The following RGS14 variants were observed in gnomAD, a reference collection of about 807,000 sequenced individuals.
RGS14 encodes regulator of G protein signaling 14, also known as regulator of G-protein signaling 14.
RGS14 carries 33 observed loss-of-function variants against 63.8 expected under a neutral mutation model. The ratio of observed to expected loss-of-function variants is 0.52; its 90% CI spans 0.39 to 0.69. The LOEUF (loss-of-function observed/expected upper bound fraction) is 0.69, where lower values mean the gene tolerates loss of function less well. RGS14 is among the 30% of genes least tolerant of loss of function. RGS14 has a pLI of 0.00. For missense variants in RGS14, 739 were observed against 742.9 expected, an observed-to-expected ratio of 0.99 and a Z score of 0.06; for synonymous variants, 296 against 320.9, an observed-to-expected ratio of 0.92 and a Z score of 0.83.
At chr5:177,368,386 C>A in intron 8 of RGS14, 120 bp downstream of exon 8, 2 of 1,055,890 alleles carry the variant, frequency 1.9e-6, no homozygotes, top group Non-Finnish European at 1.3e-6. Flanking sequence ...GCTTGCTCTG[C>A]GTAGCCAACC....
rs148612238 is a variant in RGS14 at position 177,362,475 on chromosome 5, G to A, written c.46-3488G>A. On this transcript the variant is annotated intron_variant, in intron 1 of 14. Transcript: ENST00000408923. ...CCAGACTGGCAGGGAGAGAGGCCGG[G>A]ACATGGGTGGATAAGCACGTGGTGG... is the stretch of plus-strand genomic sequence containing the variant. Among the ~76,000 whole-genome samples, 349 of 152,308 alleles carry A rather than the reference G, an allele frequency of 2.3e-3. 9 individuals are homozygous for A. The East Asian group carries it at 0.056, about 24-fold the overall frequency.
intron 1 of RGS14, among the ~76,000 whole-genome samples, chr5:177,362,381 A>G (rs1340562966): frequency 6.6e-6 from 1 of 152,096 alleles, no homozygotes; most frequent in Non-Finnish European, 1.5e-5. Flanking sequence ...CGAGGCAAAG[A>G]CGGTGCTTCT....
rs369415354 is a variant in RGS14 at position 177,371,403 on chromosome 5, G to A, written c.1383+7G>A. On this transcript the variant is annotated splice_region_variant and intron_variant, in intron 13 of 14. Transcript: ENST00000408923. This position sits in a 1 kb window ranked among gnomAD's most constrained non-coding sequence, Gnocchi z 6.1. The stretch of plus-strand genomic sequence containing the variant: ...ATCTCCCTGCCGCAGCCAGGTGAGC[G>A]AAAGGCGAGTGGCCTCTTCCACCCT... 13 of 1,614,100 alleles carry A rather than the reference G, an allele frequency of 8.1e-6. No homozygotes were observed. The highest frequency in any genetic ancestry group is 1.6e-4 in the Middle Eastern group (1 of 6,062).
At position 177,371,287 on chromosome 5, in the gene RGS14, T is replaced by C; in HGVS notation, c.1336+41T>C. On this transcript the variant is annotated intron_variant, in intron 12 of 14. Transcript: ENST00000408923. This position sits in a 1 kb window ranked among gnomAD's most constrained non-coding sequence, Gnocchi z 6.1. ...CTCGGGGCTTGATCTGGAACAGCTG[T>C]GGCCCAGGAGGAAGGGGGTCCAGGT... 1.2e-6 allele frequency: 2 copies of C among 1,613,720 alleles called. No individual in the cohort carries two copies. The highest frequency in any genetic ancestry group is 1.7e-6 in the Non-Finnish European group (2 of 1,179,826).
chr5:177,357,983 G>A lies in RGS14; in HGVS notation c.-42G>A. 1 of 1,331,216 alleles carries A rather than the reference G, an allele frequency of 7.5e-7. No homozygotes were observed. The highest frequency in any genetic ancestry group is 9.7e-7 in the Non-Finnish European group (1 of 1,032,956). The allele number at this position is 1,331,216 out of a possible 1,614,324, so 82.5% of individuals were successfully genotyped here. On this transcript the variant is annotated 5_prime_UTR_variant, in exon 1 of 15. An upstream start codon of the reference 5' UTR is lost. Transcript: ENST00000408923. ...GGCCGGCGCTGCCCACAGTCCCCAT[G>A]GTGGGCAGCCCCCGCGGCGGGGACC...
rs1761896445 is a variant in RGS14 at position 177,359,086 on chromosome 5, G to T, written c.45+1017G>T. 6.6e-6 allele frequency among the ~76,000 whole-genome samples: 1 copy of T among 152,146 alleles called. No homozygotes were observed. The highest frequency in any genetic ancestry group is 2.4e-5 in the African/African-American group (1 of 41,416). On this transcript the variant is annotated intron_variant, in intron 1 of 14. Coordinates refer to ENST00000408923, the MANE Select transcript of RGS14 (RefSeq NM_006480.5). This position sits in a 1 kb window ranked among gnomAD's most constrained non-coding sequence, Gnocchi z 4.4. Reference sequence around the variant, plus strand: ...GACCCATTGTGGGGGCTGCATAATTGTCAGCCCAGTGCCCCCTACATTTTC... The same window carrying T: ...GACCCATTGTGGGGGCTGCATAATTTTCAGCCCAGTGCCCCCTACATTTTC...
rs1301087141 is a variant in RGS14 at position 177,368,218 on chromosome 5, C to A, written c.801C>A (p.Ser267=). ...RRESQGSLNS[S]ASLDLGFLAF... is the part of the protein sequence containing the mutation. The stretch of plus-strand genomic sequence containing the variant: ...AGTCTCAGGGCTCCCTCAACTCCTC[C>A]GCCAGCCTGGACCTTGGCTTCCTAG... The change falls in exon 8 of 15, where the codon TCC becomes TCA. Residue 267 remains serine (S), a synonymous_variant. Transcript: ENST00000408923. The A allele has an allele frequency of 1.2e-6, 2 of 1,613,888 alleles. No individual in the cohort carries two copies. Among genetic ancestry groups the A allele is most frequent in the East Asian group, 4.5e-5 (2 of 44,890 alleles).
chr5:177,360,566 T>TAAAA (rs750301708), intron 1 of RGS14, among the ~76,000 whole-genome samples: 6 of 64,838 alleles, frequency 9.3e-5, no homozygotes, highest in African/African-American at 1.7e-4. Context: ...GATCCTATAT[T>TAAAA]AAAAAAAAAA....
Position 177,372,161 on chromosome 5 carries a change from A to G in RGS14, c.*86A>G. On this transcript the variant is annotated 3_prime_UTR_variant, in exon 15 of 15. Coordinates refer to ENST00000408923, the MANE Select transcript of RGS14 (RefSeq NM_006480.5). ...CCGCTCTGCATGCCCTGTCTGTGCC[A>G]TGAGTGTCCCTGGCCCCTTCCTGCC... 7.5e-7 allele frequency: 1 copy of G among 1,337,664 alleles called. No homozygotes were observed. Among genetic ancestry groups the G allele is most frequent in the Admixed American group, 1.9e-5 (1 of 53,518 alleles). The allele number at this position is 1,337,664 out of a possible 1,614,324, so 82.9% of individuals were successfully genotyped here. A position where few individuals can be genotyped will look rare whatever the true frequency, so the allele number is the denominator to read the frequency against.
At chr5:177,363,235 G>A (rs1228396851) in intron 1 of RGS14, among the ~76,000 whole-genome samples, 1 of 152,140 alleles carries the variant, frequency 6.6e-6, no homozygotes, top group Non-Finnish European at 1.5e-5. Context: ...CTGTCGCCGT[G>A]GGAAGCACCG....
intron 7 of RGS14, 88 bp downstream of exon 7, chr5:177,367,913 C>CTGTA: frequency 6.9e-7 from 1 of 1,454,686 alleles, no homozygotes; most frequent in East Asian, 2.5e-5. Flanking sequence ...ACGTGGCCCA[C>CTGTA]AGTCTGTAAG....
intron 5 of RGS14, 26 bp downstream of exon 5, chr5:177,367,060 T>G: frequency 6.3e-7 from 1 of 1,586,104 alleles, no homozygotes; most frequent in Non-Finnish European, 8.6e-7. Flanking sequence ...GGGATTGGCC[T>G]TGAAAGGGAG....
At position 177,359,095 on chromosome 5, in the gene RGS14, G is replaced by A. The variant is rs1423066800; in HGVS notation, c.45+1026G>A. 6.6e-6 allele frequency among the ~76,000 whole-genome samples: 1 copy of A among 152,160 alleles called. No homozygotes were observed. The highest frequency in any genetic ancestry group is 1.5e-5 in the Non-Finnish European group (1 of 68,022). On this transcript the variant is annotated intron_variant, in intron 1 of 14. Transcript: ENST00000408923. This position sits in a 1 kb window ranked among gnomAD's most constrained non-coding sequence, Gnocchi z 4.4. ...TGGGGGCTGCATAATTGTCAGCCCAGTGCCCCCTACATTTTCAGCCCCAAT... is the reference window on the plus strand; with the variant it reads ...TGGGGGCTGCATAATTGTCAGCCCAATGCCCCCTACATTTTCAGCCCCAAT...
In RGS14 at chr5:177,358,040, A is replaced by G; in HGVS notation, c.16A>G (p.Lys6Glu). The G allele has an allele frequency of 7.4e-7, 1 of 1,359,624 alleles. No homozygotes were observed. Among genetic ancestry groups the G allele is most frequent in the Non-Finnish European group, 9.6e-7 (1 of 1,046,108 alleles). 84.2% of individuals were successfully genotyped at this position (1,359,624 alleles called of 1,614,324 possible). A position where few individuals can be genotyped will look rare whatever the true frequency, so the allele number is the denominator to read the frequency against. The stretch of plus-strand genomic sequence containing the variant: ...CGGCAGCGGCATGCCAGGGAAGCCC[A>G]AGCACCTGGGCGTCCCCAACGGGCG... MPGKP[K>E]HLGVPNGRMV... The change falls in exon 1 of 15, where the codon AAG (lysine) becomes GAG (glutamate). Residue 6 changes from lysine (K) to glutamate (E), a missense_variant. Coordinates refer to ENST00000408923, the MANE Select transcript of RGS14 (RefSeq NM_006480.5). The surrounding 1 kb of genome is among the most constrained non-coding windows in gnomAD (Gnocchi z 4.8).
In RGS14 at chr5:177,365,132, A is replaced by G. The variant is rs185016984; in HGVS notation, c.46-831A>G. The stretch of plus-strand genomic sequence containing the variant: ...ACCTCTCCTTCCTCAAAGACAGCAC[A>G]TGTTTATACAGCCCATATCACATGC... On this transcript the variant is annotated intron_variant, in intron 1 of 14. Coordinates refer to ENST00000408923, the MANE Select transcript of RGS14 (RefSeq NM_006480.5). 1.2e-4 allele frequency among the ~76,000 whole-genome samples: 19 copies of G among 152,248 alleles called. No homozygotes were observed. In the East Asian group the frequency reaches 3.3e-3, roughly 26 times the overall value.
chr5:177,367,652 G>A, intron 6 of RGS14, 62 bp from the exon 7 acceptor site: 1 of 1,589,800 alleles, frequency 6.3e-7, no homozygotes, highest in Non-Finnish European at 8.6e-7. Flanking sequence ...GCGAGTCTGT[G>A]CCCACGGTCT....
At chr5:177,369,092 A>G (rs1024141926) in intron 9 of RGS14, 172 bp downstream of exon 9, 7 of 644,654 alleles carry the variant, frequency 1.1e-5, no homozygotes, top group Middle Eastern at 2.5e-4. Context: ...CCCCCACCTC[A>G]TGTCCTTCCA....
chr5:177,371,966 TGCAGCTGCCCGCCCAAGGG>T lies in RGS14; in HGVS notation c.1593_1611del (p.Gln532ProfsTer21). On this transcript the variant is annotated frameshift_variant, in exon 15 of 15. Transcript: ENST00000408923. LOFTEE classifies it low-confidence loss of function (END_TRUNC). The surrounding 1 kb of genome is among the most constrained non-coding windows in gnomAD (Gnocchi z 6.1). ...GAGGACCTGGTACTTCCAGAATTTC[TGCAGCTGCCCGCCCAAGGG>T]CCCAGCTCCGAGGAGACCCCACCAC... is the stretch of plus-strand genomic sequence containing the variant. 6.2e-7 allele frequency: 1 copy of T among 1,614,148 alleles called. No homozygotes were observed. The highest frequency in any genetic ancestry group is 1.7e-4 in the Middle Eastern group (1 of 6,060).
intron 1 of RGS14, among the ~76,000 whole-genome samples, chr5:177,362,641 T>C (rs1210516633): frequency 6.6e-6 from 1 of 151,226 alleles, no homozygotes; most frequent in Non-Finnish European, 1.5e-5. Flanking sequence ...GTGGGGAAAA[T>C]AGAAAAGTTC....
Sources: gnomAD v4.1 joint callset for allele counts (sites outside exome capture counted in the v4.1 genomes callset) on GRCh38, gnomAD v4.1.1 for gene constraint, Gnocchi (gnomAD v3.1) non-coding constraint, MANE v1.5 for transcripts, NCBI Gene and HGNC (gene_info 2026-07-23, HGNC 2026-07-21) for gene names.